The following LCLAT1 variants were observed in gnomAD, a reference collection of about 807,000 sequenced individuals.
The protein encoded by LCLAT1 is lysocardiolipin acyltransferase 1, also known as 1-AGP acyltransferase 8.
In LCLAT1, 11 loss-of-function variants were observed where a neutral mutation model predicts 30.7. The ratio of observed to expected loss-of-function variants is 0.36; its 90% CI spans 0.23 to 0.59. LCLAT1 has a LOEUF of 0.59. Ranked by LOEUF, LCLAT1 falls within the 20% of genes least tolerant of loss-of-function variation. LCLAT1 has a pLI of 0.77. For synonymous variants in LCLAT1, 155 were observed against 151.3 expected (o/e 1.02, Z -0.18); for missense variants, 402 against 458.6 (o/e 0.88, Z 1.13).
chr2:30,575,135 C>G (rs1277882576), intron 5 of LCLAT1, among the ~76,000 whole-genome samples: 1 of 152,150 alleles, frequency 6.6e-6, no homozygotes, highest in Non-Finnish European at 1.5e-5. Context: ...TTCCTCCAGA[C>G]AGCTTAAGTG....
chr2:30,452,241 AGAG>A (rs1389760891), intron 1 of LCLAT1, among the ~76,000 whole-genome samples: 1 of 152,234 alleles, frequency 6.6e-6, no homozygotes, highest in Non-Finnish European at 1.5e-5. Flanking sequence ...ATAATAAAAA[AGAG>A]GCTCTAGTGA....
chr2:30,452,806 C>T (rs527477346), intron 1 of LCLAT1, among the ~76,000 whole-genome samples: 28 of 152,182 alleles, frequency 1.8e-4, no homozygotes, highest in African/African-American at 6.5e-4. Flanking sequence ...CGGTGTGTTT[C>T]CTGTGGCTGT....
chr2:30,601,013 CCTGT>C (rs1291890142), intron 5 of LCLAT1, among the ~76,000 whole-genome samples: 2 of 151,980 alleles, frequency 1.3e-5, no homozygotes, highest in South Asian at 2.1e-4. Context: ...ATCTTAAATG[CCTGT>C]CTTATTTCAG....
chr2:30,581,568 C>T (rs1475736680), intron 5 of LCLAT1, among the ~76,000 whole-genome samples: 1 of 152,144 alleles, frequency 6.6e-6, no homozygotes, highest in African/African-American at 2.4e-5. Flanking sequence ...CAATGGCGTT[C>T]TATTCAGCCA....
At chr2:30,505,461 T>A (rs1388005405) in intron 1 of LCLAT1, among the ~76,000 whole-genome samples, 2 of 152,152 alleles carry the variant, frequency 1.3e-5, no homozygotes, top group Admixed American at 1.3e-4. Flanking sequence ...ATTTTCTTCC[T>A]ATGAACAGCA....
chr2:30,538,548 T>C (rs770769355), intron 3 of LCLAT1, among the ~76,000 whole-genome samples: 1 of 151,892 alleles, frequency 6.6e-6, no homozygotes, highest in Non-Finnish European at 1.5e-5. Flanking sequence ...GGCAGGAGGA[T>C]CGCTTGAACC....
chr2:30,447,957 C>T (rs893405091), intron 1 of LCLAT1, among the ~76,000 whole-genome samples: 15 of 151,934 alleles, frequency 9.9e-5, no homozygotes. Flanking sequence ...AAGGTAGGCC[C>T]TAGCCAGGGC....
intron 5 of LCLAT1, among the ~76,000 whole-genome samples, chr2:30,586,499 A>G (rs908916213): frequency 1.3e-5 from 2 of 152,170 alleles, no homozygotes; most frequent in Non-Finnish European, 2.9e-5. Context: ...GATACCACTC[A>G]TGATACTCAC....
At chr2:30,635,376 A>G (rs1668973730) in intron 5 of LCLAT1, among the ~76,000 whole-genome samples, 2 of 152,070 alleles carry the variant, frequency 1.3e-5, no homozygotes, top group African/African-American at 2.4e-5. Flanking sequence ...GCTTAAGGAA[A>G]GCCTAGGCTG....
intron 1 of LCLAT1, 80 bp from the exon 2 acceptor site, chr2:30,525,507 T>G (rs13429099): frequency 0.26 from 289,914 of 1,097,376 alleles, 42,286 homozygotes; most frequent in Non-Finnish European, 0.31. Context: ...TAGTGATCAT[T>G]CTATGCTCCA....
At chr2:30,512,243 T>TA (rs1161559677) in intron 1 of LCLAT1, among the ~76,000 whole-genome samples, 2 of 152,192 alleles carry the variant, frequency 1.3e-5, no homozygotes, top group African/African-American at 4.8e-5. Flanking sequence ...TTAATAAATT[T>TA]ATGTAAGCAA....
intron 5 of LCLAT1, among the ~76,000 whole-genome samples, chr2:30,601,739 C>T (rs1397146806): frequency 6.7e-6 from 1 of 150,362 alleles, no homozygotes; most frequent in African/African-American, 2.5e-5. Context: ...AATGCAATGC[C>T]AGAGATACAC....
At position 30,609,116 on chromosome 2, in the gene LCLAT1, C is replaced by A. The variant is rs189817711; in HGVS notation, c.629-31001C>A. Reference sequence around the variant, plus strand: ...GCCTGTTTATATCTTGTCTGTGTTTCTATTGGGATTACTATAGTGACTTGT... The same window carrying A: ...GCCTGTTTATATCTTGTCTGTGTTTATATTGGGATTACTATAGTGACTTGT... On this transcript the variant is annotated intron_variant, in intron 5 of 5. Coordinates refer to ENST00000379509, the MANE Select transcript of LCLAT1 (RefSeq NM_001002257.3). Among the ~76,000 whole-genome samples, 4 of 152,194 alleles carry A rather than the reference C, an allele frequency of 2.6e-5. No individual in the cohort carries two copies. In the East Asian group the frequency reaches 7.7e-4, roughly 29 times the overall value.
chr2:30,525,455 A>G (rs829618), intron 1 of LCLAT1, 132 bp from the exon 2 acceptor site: 527,282 of 678,230 alleles, frequency 0.78, 208,622 homozygotes, highest in East Asian at 0.92. Context: ...TGAAATTCAG[A>G]CTCTTATATT....
chr2:30,458,859 C>A (rs1337976066), intron 1 of LCLAT1, among the ~76,000 whole-genome samples: 1 of 152,096 alleles, frequency 6.6e-6, no homozygotes, highest in Non-Finnish European at 1.5e-5. Flanking sequence ...AGCCTCAGTG[C>A]AAAGTCTACT....
intron 4 of LCLAT1, among the ~76,000 whole-genome samples, chr2:30,566,697 A>G (rs17395091): frequency 0.096 from 14,555 of 152,264 alleles, 738 homozygotes; most frequent in East Asian, 0.12. Flanking sequence ...GGGTTCTAAC[A>G]TCTGCTGTCA....
intron 5 of LCLAT1, among the ~76,000 whole-genome samples, chr2:30,582,724 C>T (rs1329973339): frequency 6.6e-6 from 1 of 152,138 alleles, no homozygotes; most frequent in Non-Finnish European, 1.5e-5. Context: ...ACTTTGTGTA[C>T]CAAGTGCAAC....
At chr2:30,449,760 A>G (rs888579983) in intron 1 of LCLAT1, among the ~76,000 whole-genome samples, 8 of 152,168 alleles carry the variant, frequency 5.3e-5, no homozygotes, top group Non-Finnish European at 1.0e-4. Flanking sequence ...TCAGCCTCCC[A>G]AAGTGTTGGG....
chr2:30,520,345 A>G (rs1685417979), intron 1 of LCLAT1, among the ~76,000 whole-genome samples: 1 of 152,250 alleles, frequency 6.6e-6, no homozygotes, highest in African/African-American at 2.4e-5. Flanking sequence ...ATGAGGTATT[A>G]AAAATTTAGT....
Sources: gnomAD v4.1 joint callset for allele counts (sites outside exome capture counted in the v4.1 genomes callset) on GRCh38, gnomAD v4.1.1 for gene constraint, MANE v1.5 for transcripts, NCBI Gene and HGNC (gene_info 2026-07-23, HGNC 2026-07-21) for gene names.